The following BRWD1 variants were observed in gnomAD, a reference collection of about 807,000 sequenced individuals.
BRWD1 encodes bromodomain and WD repeat domain containing 1, also known as bromodomain and WD repeat-containing protein 1.
Under a neutral mutation model 251.2 loss-of-function variants are expected in BRWD1, and 82 were observed. The observed-to-expected ratio is 0.33, with a 90% confidence interval of 0.27 to 0.39. The LOEUF (loss-of-function observed/expected upper bound fraction) is 0.39, where lower values mean the gene tolerates loss of function less well. Among genes scored for constraint, BRWD1 ranks in the 10% least tolerant of loss-of-function variants. The pLI is 1.00. For missense variants in BRWD1, 2,233 were observed against 2,711.6 expected (o/e 0.82, Z 3.92); for synonymous variants, 918 against 902.8 (o/e 1.02, Z -0.30).
At chr21:39,269,331 CA>C (rs1277710408) in intron 15 of BRWD1, among the ~76,000 whole-genome samples, 1 of 151,114 alleles carries the variant, frequency 6.6e-6, no homozygotes, top group Non-Finnish European at 1.5e-5. Context: ...CTATTTCAAC[CA>C]TCTTGGGATT....
intron 21 of BRWD1, among the ~76,000 whole-genome samples, chr21:39,240,523 T>G (rs79927367): frequency 0.031 from 4,738 of 151,960 alleles, 248 homozygotes; most frequent in African/African-American, 0.11. Context: ...AATAAATATA[T>G]CCCCAAATGA....
At chr21:39,214,382 G>A (rs957317255) in intron 32 of BRWD1, among the ~76,000 whole-genome samples, 2 of 151,566 alleles carry the variant, frequency 1.3e-5, no homozygotes, top group Admixed American at 6.6e-5. Flanking sequence ...CATAATCATG[G>A]GAAAATACCA....
At chr21:39,216,634 T>A (rs539079508) in intron 31 of BRWD1, 16 of 342,892 alleles carry the variant, frequency 4.7e-5, no homozygotes, top group African/African-American at 3.3e-4. Flanking sequence ...TATGACTGTA[T>A]AAATAACAGA....
chr21:39,314,583 C>T (rs2036655500), upstream of BRWD1: 1 of 347,936 alleles, frequency 2.9e-6, no homozygotes, highest in Non-Finnish European at 5.7e-6. Flanking sequence ...ATTCCCTTGT[C>T]TTGCCAGGCT....
chr21:39,231,139 TTTC>T (rs1242079461), intron 25 of BRWD1, among the ~76,000 whole-genome samples: 22 of 152,324 alleles, frequency 1.4e-4, no homozygotes, highest in African/African-American at 4.6e-4. Context: ...TAACTAGCAT[TTTC>T]TTCATTTTCT....
chr21:39,297,179 T>G, intron 5 of BRWD1: 3 of 985,416 alleles, frequency 3.0e-6, no homozygotes, highest in Non-Finnish European at 3.6e-6. Flanking sequence ...TTTGAAGCAG[T>G]CACACTGTGC....
chr21:39,314,576 C>A, upstream of BRWD1: 1 of 347,528 alleles, frequency 2.9e-6, no homozygotes, highest in Non-Finnish European at 5.7e-6. Flanking sequence ...CCAGAAAATT[C>A]CCTTGTCTTG....
rs551164688 is a variant in BRWD1 at position 39,272,588 on chromosome 21, C to T, written c.1244+1786G>A. 4.7e-5 allele frequency among the ~76,000 whole-genome samples: 7 copies of T among 147,738 alleles called. No individual in the cohort carries two copies. In the East Asian group the frequency reaches 1.2e-3, roughly 25 times the overall value. On this transcript the variant is annotated intron_variant, in intron 13 of 40. Transcript: ENST00000342449. ...CCATTCTTCACTTTAAACTAAAAGG[C>T]TTTTGAAGTAATAACATTGCTTTTT... is the stretch of plus-strand genomic sequence containing the variant.
chr21:39,287,733 T>C (rs1275247421), intron 8 of BRWD1, among the ~76,000 whole-genome samples: 1 of 152,250 alleles, frequency 6.6e-6, no homozygotes, highest in Non-Finnish European at 1.5e-5. Context: ...TGCACATTTT[T>C]TCTATCCTTA....
At chr21:39,318,718 C>T (rs2036721447), upstream of BRWD1, among the ~76,000 whole-genome samples, 1 of 152,108 alleles carries the variant, frequency 6.6e-6, no homozygotes, top group South Asian at 2.1e-4. Context: ...AGTCAGAGCT[C>T]ACTGCAGCCT....
chr21:39,245,862 A>G (rs2034171565), intron 21 of BRWD1, among the ~76,000 whole-genome samples: 1 of 152,148 alleles, frequency 6.6e-6, no homozygotes, highest in South Asian at 2.1e-4. Flanking sequence ...TTGGCCTCGC[A>G]AAGTCCTGGG....
chr21:39,243,124 C>T (rs568725473), intron 21 of BRWD1, among the ~76,000 whole-genome samples: 7 of 152,300 alleles, frequency 4.6e-5, no homozygotes, highest in South Asian at 2.1e-4. Context: ...GATCAAAGCA[C>T]GTATCACCAG....
chr21:39,315,024 A>C (rs900919288), upstream of BRWD1: 1 of 152,128 alleles, frequency 6.6e-6, no homozygotes, highest in African/African-American at 2.4e-5. Context: ...TTATTTTGAG[A>C]CAGGGTCTTG....
intron 8 of BRWD1, among the ~76,000 whole-genome samples, chr21:39,285,949 C>T (rs886628106): frequency 1.3e-5 from 2 of 149,982 alleles, no homozygotes; most frequent in African/African-American, 4.9e-5. Flanking sequence ...GAAATCTCTT[C>T]CTGTATGCTC....
At position 39,264,576 on chromosome 21, in the gene BRWD1, G is replaced by A; in HGVS notation, c.1769C>T (p.Pro590Leu). The change falls in exon 17 of 41, where the codon CCA becomes CTA. Residue 590 changes from proline (P) to leucine (L), a missense_variant. Around this residue, in one of 12 missense-constraint regions of BRWD1, gnomAD observed 315 missense variants for 421.8 expected, o/e 0.75. Coordinates refer to ENST00000342449, the MANE Select transcript of BRWD1 (RefSeq NM_033656.4). ...ATTTCCATCTACATCTACCAAGAAT[G>A]GTGGAGGCATAAGATGAGGAGCCTG... ...TQQAPHLMPP[P>L]FLVDVDGNPH... is the part of the protein sequence containing the mutation. 2 of 1,613,168 alleles carry A rather than the reference G, an allele frequency of 1.2e-6. No individual in the cohort carries two copies. The highest frequency in any genetic ancestry group is 1.3e-5 in the African/African-American group (1 of 74,964).
intron 29 of BRWD1, chr21:39,219,475 T>C (rs1427894492): frequency 2.0e-5 from 3 of 152,088 alleles, no homozygotes; most frequent in East Asian, 3.9e-4. Flanking sequence ...GCTTATTGAA[T>C]AGTAGTTCTA....
chr21:39,260,589 T>C (rs573393232), intron 17 of BRWD1, among the ~76,000 whole-genome samples: 4 of 152,322 alleles, frequency 2.6e-5, no homozygotes, highest in African/African-American at 9.6e-5. Flanking sequence ...AGTGTCCTTC[T>C]GCCATAAACA....
Position 39,303,814 on chromosome 21 carries a change from C to A in BRWD1, c.199-5232G>T, listed in dbSNP as rs1480576052. Among the ~76,000 whole-genome samples the A allele has an allele frequency of 1.1e-4, 17 of 150,174 alleles. No homozygotes were observed. The South Asian group carries it at 3.6e-3, about 31-fold the overall frequency. On this transcript the variant is annotated intron_variant, in intron 4 of 40. Transcript: ENST00000342449. ...CTTCAGCCTGGGTGACAGAGTGAGACCCTGTCTCAAAAAAAAAAAGAAAAA... is the reference window on the plus strand; with the variant it reads ...CTTCAGCCTGGGTGACAGAGTGAGAACCTGTCTCAAAAAAAAAAAGAAAAA...
At chr21:39,286,866 T>C (rs768610526) in intron 8 of BRWD1, among the ~76,000 whole-genome samples, 1 of 152,190 alleles carries the variant, frequency 6.6e-6, no homozygotes, top group African/African-American at 2.4e-5. Context: ...AGTAATAGTA[T>C]AGTGTTCATT....
Sources: allele counts gnomAD v4.1 joint callset (sites outside exome capture counted in the v4.1 genomes callset), GRCh38; gene constraint gnomAD v4.1.1; regional missense constraint gnomAD v4.1.1; transcripts MANE v1.5; gene names NCBI Gene and HGNC (gene_info 2026-07-23, HGNC 2026-07-21).